COL4A1: variants seen among roughly 807,000 people sequenced by gnomAD.
The protein encoded by COL4A1 is collagen alpha-1(IV) chain.
COL4A1 carries 40 observed loss-of-function variants against 216.6 expected under a neutral mutation model. The observed-to-expected ratio is 0.18, with a 90% CI of 0.14 to 0.24. The LOEUF is 0.24. Ranked by LOEUF, COL4A1 falls within the 10% of genes least tolerant of loss-of-function variation. The pLI is 1.00. For synonymous variants in COL4A1, 839 were observed against 810.7 expected (o/e 1.03, Z -0.59); for missense variants, 1,628 against 2,196.8 (o/e 0.74, Z 5.18).
At chr13:110,226,457 T>C (rs560123014) in intron 2 of COL4A1, among the ~76,000 whole-genome samples, 1 of 152,244 alleles carries the variant, frequency 6.6e-6, no homozygotes, top group Non-Finnish European at 1.5e-5. Flanking sequence ...GTTACTTGTC[T>C]GTATCTTATC....
In COL4A1 at chr13:110,230,538, C is replaced by T. The variant is rs570191324; in HGVS notation, c.144+12137G>A. Among the ~76,000 whole-genome samples, 9 of 55,672 alleles carry T rather than the reference C, an allele frequency of 1.6e-4. No individual in the cohort carries two copies. In the East Asian group the frequency reaches 5.2e-3, roughly 32 times the overall value. The allele number at this position is 55,672 out of a possible 152,430, so 36.5% of individuals were successfully genotyped here. ...ATAAAGGGAAGAAGGGTAAAGGGGGCGAGTGAGGTGGGACGGGTGGTGCAC... is the reference window on the plus strand; with the variant it reads ...ATAAAGGGAAGAAGGGTAAAGGGGGTGAGTGAGGTGGGACGGGTGGTGCAC... On this transcript the variant is annotated intron_variant, in intron 2 of 51. Transcript: ENST00000375820.
chr13:110,241,636 T>G (rs1024193899), intron 2 of COL4A1, among the ~76,000 whole-genome samples: 4 of 152,190 alleles, frequency 2.6e-5, no homozygotes, highest in African/African-American at 4.8e-5. Flanking sequence ...TGTGAAACTT[T>G]CCTTACATAC....
At chr13:110,212,079 T>G (rs557885724) in intron 6 of COL4A1, among the ~76,000 whole-genome samples, 157 bp from the exon 7 acceptor site, 1 of 152,150 alleles carries the variant, frequency 6.6e-6, no homozygotes, top group Non-Finnish European at 1.5e-5. Flanking sequence ...TACCACTTTA[T>G]GAAAGAAGAA....
chr13:110,223,100 G>A (rs1044837396), intron 2 of COL4A1, among the ~76,000 whole-genome samples: 73 of 152,260 alleles, frequency 4.8e-4, no homozygotes, highest in Non-Finnish European at 8.7e-4. Context: ...TAAATTGGGA[G>A]AGTATTTGAA....
intron 1 of COL4A1, among the ~76,000 whole-genome samples, chr13:110,245,568 T>C (rs1338670836): frequency 1.3e-5 from 2 of 152,314 alleles, no homozygotes; most frequent in East Asian, 1.9e-4. Flanking sequence ...ATTTAAGGGA[T>C]TGAAGCTGAA....
intron 17 of COL4A1, among the ~76,000 whole-genome samples, chr13:110,203,953 T>G (rs1237268391): frequency 2.6e-5 from 4 of 152,206 alleles, no homozygotes; most frequent in Non-Finnish European, 5.9e-5. Flanking sequence ...TTTTCAATTT[T>G]AAAAAGAGAA....
intron 23 of COL4A1, 99 bp downstream of exon 23, chr13:110,192,731 G>A (rs1433696140): frequency 7.3e-5 from 76 of 1,039,632 alleles, no homozygotes; most frequent in South Asian, 3.6e-4. Flanking sequence ...ATTGGCTGCC[G>A]AAAATCAGGC....
intron 2 of COL4A1, among the ~76,000 whole-genome samples, chr13:110,235,945 T>C (rs188802074): frequency 8.5e-4 from 129 of 152,294 alleles, no homozygotes; most frequent in Non-Finnish European, 1.7e-3. Flanking sequence ...AAATTGAAGA[T>C]TATTGAATTC....
Position 110,167,189 on chromosome 13 carries a change from A to C in COL4A1, c.3918T>G (p.Asp1306Glu), listed in dbSNP as rs750118483. ...GSPGITGSKGDMGPPGVPGFQ... is the reference protein window; with the variant it reads ...GSPGITGSKGEMGPPGVPGFQ... Reference sequence around the variant, plus strand: ...ATCCTGGAACTCCTGGAGGCCCCATATCACCCTTAGAGCCTGTGATTCCTG... The same window carrying C: ...ATCCTGGAACTCCTGGAGGCCCCATCTCACCCTTAGAGCCTGTGATTCCTG... Residue 1306 changes from aspartate to glutamate, a missense_variant, in exon 44 of 52, where the codon GAT becomes GAG. This residue lies in a region of COL4A1 where 345 missense variants were observed against 476.9 expected (regional missense o/e 0.72). Transcript: ENST00000375820. 1 of 1,614,052 alleles carries C rather than the reference A, an allele frequency of 6.2e-7. No individual in the cohort carries two copies. The highest frequency in any genetic ancestry group is 1.1e-5 in the South Asian group (1 of 91,076).
chr13:110,209,273 T>TGAAG, intron 11 of COL4A1, 119 bp downstream of exon 11: 5 of 795,750 alleles, frequency 6.3e-6, no homozygotes, highest in Non-Finnish European at 1.1e-5. Context: ...TATAGTTAGA[T>TGAAG]ATAGTGTTAA....
intron 2 of COL4A1, among the ~76,000 whole-genome samples, chr13:110,235,696 A>G (rs563696285): frequency 6.6e-6 from 1 of 151,938 alleles, no homozygotes; most frequent in Non-Finnish European, 1.5e-5. Flanking sequence ...AAAGATAATC[A>G]TACAAGAAGG....
chr13:110,270,207 CTG>C (rs1355767986), intron 1 of COL4A1, among the ~76,000 whole-genome samples: 9 of 152,226 alleles, frequency 5.9e-5, no homozygotes, highest in Non-Finnish European at 1.3e-4. Context: ...CTACCTGAAA[CTG>C]ACCTGTGTTC....
In COL4A1 at chr13:110,183,082, G is replaced by C. The variant is rs1878249006; in HGVS notation, c.2006C>G (p.Pro669Arg). ...FPGPQGDRGF[P>R]GTPGRPGLPG... ...CAGGCCTGGCCTTCCTGGGGTTCCG[G>C]GAAAGCCTCGGTCTCCTGTGGTGAG... Residue 669 changes from proline (P) to arginine (R), a missense_variant, in exon 28 of 52, where the codon CCC (proline) becomes CGC (arginine). By Grantham distance (103) the Pro-to-Arg change is moderately radical. This residue lies in a region of COL4A1 where 701 missense variants were observed against 892.5 expected (regional missense o/e 0.79). Coordinates refer to ENST00000375820, the MANE Select transcript of COL4A1 (RefSeq NM_001845.6). The C allele has an allele frequency of 6.2e-7, 1 of 1,612,826 alleles. No homozygotes were observed. Among genetic ancestry groups the C allele is most frequent in the Non-Finnish European group, 8.5e-7 (1 of 1,179,714 alleles).
chr13:110,293,284 C>T (rs894301454), intron 1 of COL4A1, among the ~76,000 whole-genome samples: 41 of 152,170 alleles, frequency 2.7e-4, no homozygotes, highest in African/African-American at 8.2e-4. Context: ...GCTGGGGGCT[C>T]GCACCTGTGG....
chr13:110,172,572 A>G, intron 41 of COL4A1, 148 bp downstream of exon 41: 1 of 780,730 alleles, frequency 1.3e-6, no homozygotes, highest in South Asian at 1.4e-5. Context: ...TCTTGCAGGC[A>G]TTGCCCTCTG....
Position 110,200,842 on chromosome 13 carries a change from A to G in COL4A1, c.1120+12T>C. On this transcript the variant is annotated intron_variant, in intron 20 of 51. Transcript: ENST00000375820. ...GCAAGTATGCTATAACAAATCAGTT[A>G]AGGAGTCTCACCTGGAGGTCCGGGT... 1 of 1,613,590 alleles carries G rather than the reference A, an allele frequency of 6.2e-7. No individual in the cohort carries two copies. Among genetic ancestry groups the G allele is most frequent in the Non-Finnish European group, 8.5e-7 (1 of 1,179,470 alleles).
chr13:110,289,618 G>A (rs534503792), intron 1 of COL4A1, among the ~76,000 whole-genome samples: 115 of 152,294 alleles, frequency 7.6e-4, no homozygotes, highest in Non-Finnish European at 1.3e-3. Flanking sequence ...GTCCTTCACA[G>A]AATATGTAAA....
intron 2 of COL4A1, among the ~76,000 whole-genome samples, chr13:110,241,828 C>T (rs1252949323): frequency 1.3e-5 from 2 of 152,130 alleles, no homozygotes; most frequent in African/African-American, 4.8e-5. Context: ...TCTGGCATGC[C>T]GGGGAGGGAA....
At chr13:110,245,679 G>T (rs1267082912) in intron 1 of COL4A1, among the ~76,000 whole-genome samples, 1 of 152,300 alleles carries the variant, frequency 6.6e-6, no homozygotes, top group Admixed American at 6.5e-5. Context: ...GAATTTCCTG[G>T]AACTGGGCCC....
Sources: gnomAD v4.1 joint callset for allele counts (sites outside exome capture counted in the v4.1 genomes callset) on GRCh38, gnomAD v4.1.1 for gene constraint, gnomAD v4.1.1 regional missense constraint, MANE v1.5 for transcripts, NCBI Gene and HGNC (gene_info 2026-07-23, HGNC 2026-07-21) for gene names.